SP140L: variants seen among roughly 807,000 people sequenced by gnomAD.
SP140L encodes the protein SP140 like nuclear body protein.
SP140L carries 64 observed loss-of-function variants against 84.3 expected under a neutral mutation model. The observed-to-expected ratio is 0.76, with a 90% CI of 0.62 to 0.94. The LOEUF (loss-of-function observed/expected upper bound fraction) is 0.94. Among genes scored for constraint, SP140L ranks in the 40% least tolerant of loss-of-function variants. The pLI is 0.00. For missense variants in SP140L, 628 were observed against 692.5 expected (o/e 0.91, Z 1.05); for synonymous variants, 242 against 236.9 (o/e 1.02, Z -0.20).
At chr2:230,344,092 G>A (rs73110333) in intron 2 of SP140L, among the ~76,000 whole-genome samples, 3,973 of 152,114 alleles carry the variant, frequency 0.026, 206 homozygotes, top group African/African-American at 0.091. Flanking sequence ...TTTCTGACTC[G>A]ATGATGTGTC....
Position 230,383,644 on chromosome 2 carries a change from G to A in SP140L, c.703+69G>A, listed in dbSNP as rs1222523973. 5.4e-6 allele frequency: 8 copies of A among 1,478,804 alleles called. No individual in the cohort carries two copies. The East Asian group carries it at 7.2e-5, about 13-fold the overall frequency. 91.6% of individuals were successfully genotyped at this position (1,478,804 alleles called of 1,614,324 possible). Reference sequence around the variant, plus strand: ...AGGCGCTGTCCATTGTATTCTGGAAGGCCTGCAGTTCACGAGGGCCAGGAG... The same window carrying A: ...AGGCGCTGTCCATTGTATTCTGGAAAGCCTGCAGTTCACGAGGGCCAGGAG... On this transcript the variant is annotated intron_variant, in intron 8 of 18. Transcript: ENST00000415673.
chr2:230,396,086 C>A (rs1247830873), intron 13 of SP140L, among the ~76,000 whole-genome samples: 3 of 152,154 alleles, frequency 2.0e-5, no homozygotes, highest in Admixed American at 6.5e-5. Flanking sequence ...TATTGCAACT[C>A]CTCTGGGTGG....
At chr2:230,374,592 A>C (rs959137077) in intron 7 of SP140L, among the ~76,000 whole-genome samples, 1 of 152,196 alleles carries the variant, frequency 6.6e-6, no homozygotes, top group Non-Finnish European at 1.5e-5. Flanking sequence ...TCTTTCATGA[A>C]GTCCATCAAC....
chr2:230,393,331 G>A (rs2061904916), intron 12 of SP140L, 83 bp from the exon 13 acceptor site: 2 of 1,445,044 alleles, frequency 1.4e-6, no homozygotes, highest in Admixed American at 2.4e-5. Context: ...TCAGGTAGAA[G>A]TATTTGGGAA....
At chr2:230,354,373 T>C (rs1172859437) in intron 2 of SP140L, among the ~76,000 whole-genome samples, 2 of 152,196 alleles carry the variant, frequency 1.3e-5, no homozygotes, top group Non-Finnish European at 2.9e-5. Context: ...AGATAGGAAC[T>C]CAGCAAATTA....
chr2:230,388,863 G>T, intron 10 of SP140L: 1 of 376,682 alleles, frequency 2.7e-6, no homozygotes, highest in Non-Finnish European at 4.9e-6. Flanking sequence ...TCACTAAAGT[G>T]CTACTTCCAC....
chr2:230,347,929 T>C (rs1344911042), intron 2 of SP140L, among the ~76,000 whole-genome samples: 1 of 152,220 alleles, frequency 6.6e-6, no homozygotes, highest in Non-Finnish European at 1.5e-5. Flanking sequence ...TGGTGATCCA[T>C]GCACTGGCCA....
chr2:230,347,672 C>T (rs2060249338), intron 2 of SP140L, among the ~76,000 whole-genome samples: 1 of 152,176 alleles, frequency 6.6e-6, no homozygotes. Flanking sequence ...GCTCGATTAC[C>T]TGCGTGGTCA....
At chr2:230,340,344 G>A (rs2060003603) in intron 2 of SP140L, among the ~76,000 whole-genome samples, 1 of 147,774 alleles carries the variant, frequency 6.8e-6, no homozygotes. Flanking sequence ...CATTGGCTTG[G>A]TAGATCTTCC....
intron 2 of SP140L, among the ~76,000 whole-genome samples, chr2:230,351,315 G>A (rs2060357532): frequency 6.6e-6 from 1 of 152,212 alleles, no homozygotes; most frequent in Non-Finnish European, 1.5e-5. Flanking sequence ...AATCTAATGA[G>A]TGAGAAATGG....
At chr2:230,359,609 G>T (rs1024497063) in intron 4 of SP140L, among the ~76,000 whole-genome samples, 5 of 152,168 alleles carry the variant, frequency 3.3e-5, no homozygotes, top group African/African-American at 1.2e-4. Flanking sequence ...GGGTGCCACA[G>T]GGACAATCTG....
At chr2:230,373,527 T>C (rs997402562) in intron 7 of SP140L, among the ~76,000 whole-genome samples, 7 of 152,188 alleles carry the variant, frequency 4.6e-5, no homozygotes, top group African/African-American at 1.7e-4. Flanking sequence ...AGCACATCTG[T>C]TTACAGCATG....
intron 2 of SP140L, among the ~76,000 whole-genome samples, chr2:230,354,849 G>GAAAGAAAGAAAGAA (rs2060475414): frequency 6.8e-4 from 3 of 4,418 alleles, no homozygotes; most frequent in Admixed American, 3.2e-3. Flanking sequence ...AGAAAGAAAG[G>GAAAGAAAGAAAGAA]AAAGAAAGAA....
At chr2:230,327,981 C>T (rs958252014) in intron 1 of SP140L, among the ~76,000 whole-genome samples, 6 of 152,136 alleles carry the variant, frequency 3.9e-5, no homozygotes, top group African/African-American at 1.4e-4. Context: ...ATGGGGGATG[C>T]CTCTGACCAG....
At chr2:230,383,071 A>G (rs1161228911) in intron 7 of SP140L, among the ~76,000 whole-genome samples, 1 of 152,250 alleles carries the variant, frequency 6.6e-6, no homozygotes, top group African/African-American at 2.4e-5. Flanking sequence ...ATGTAATTGC[A>G]TAATGAAAAC....
chr2:230,354,252 A>G (rs2060450255), intron 2 of SP140L, among the ~76,000 whole-genome samples: 1 of 152,212 alleles, frequency 6.6e-6, no homozygotes, highest in Non-Finnish European at 1.5e-5. Context: ...AAATCAATCA[A>G]TGTGATTCAC....
intron 7 of SP140L, among the ~76,000 whole-genome samples, chr2:230,379,756 T>A (rs1198503933): frequency 6.6e-6 from 1 of 152,186 alleles, no homozygotes; most frequent in Admixed American, 6.5e-5. Flanking sequence ...TTATTCTCAG[T>A]ATAGTAAAGT....
intron 7 of SP140L, chr2:230,372,787 AATG>A (rs919662064): frequency 6.6e-6 from 1 of 152,036 alleles, no homozygotes; most frequent in Non-Finnish European, 1.5e-5. Flanking sequence ...AAAATCTAGA[AATG>A]ATGAAGTTTA....
chr2:230,327,434 A>G (rs2059610519), intron 1 of SP140L, 133 bp downstream of exon 1: 1 of 1,027,058 alleles, frequency 9.7e-7, no homozygotes. Context: ...GTGTAATATA[A>G]TGGAATAAAA....
Sources: gnomAD v4.1 joint callset for allele counts (sites outside exome capture counted in the v4.1 genomes callset) on GRCh38, gnomAD v4.1.1 for gene constraint, MANE v1.5 for transcripts, NCBI Gene and HGNC (gene_info 2026-07-23, HGNC 2026-07-21) for gene names.